TAFA2: variants seen among roughly 807,000 people sequenced by gnomAD.
TAFA2 encodes TAFA chemokine like family member 2, also known as chemokine-like protein TAFA-2.
A neutral mutation model predicts 18.8 loss-of-function variants in TAFA2; 7 were observed. The observed-to-expected ratio is 0.37, with a 90% CI of 0.21 to 0.70. TAFA2 has a LOEUF of 0.70. Among genes scored for constraint, TAFA2 ranks in the 30% least tolerant of loss-of-function variants. The pLI, the probability that TAFA2 is intolerant of heterozygous loss-of-function variation, is 0.53. For missense variants in TAFA2, 122 were observed against 158.1 expected (o/e 0.77, Z 1.23); for synonymous variants, 60 against 54.2 (o/e 1.11, Z -0.47).
rs555036395 is a variant in TAFA2 at position 61,947,462 on chromosome 12, AAAAT to A, written c.-1-80040_-1-80037del. On this transcript the variant is annotated intron_variant, in intron 1 of 4. Coordinates refer to ENST00000416284, the MANE Select transcript of TAFA2 (RefSeq NM_178539.5). ...CCCTAAAACTTAAAGTATAATTTAA[AAAAT>A]AAATAAATAAATAAATAAATAAAAA... is the stretch of plus-strand genomic sequence containing the variant. Among the ~76,000 whole-genome samples, 867 of 151,400 alleles carry A rather than the reference AAAAT, an allele frequency of 5.7e-3. 10 individuals carry two copies. The highest frequency in any genetic ancestry group is 0.02 in the African/African-American group (812 of 40,878).
chr12:61,864,666 G>A (rs1483421929), intron 2 of TAFA2, among the ~76,000 whole-genome samples: 1 of 150,724 alleles, frequency 6.6e-6, no homozygotes, highest in Non-Finnish European at 1.5e-5. Flanking sequence ...CCAGCTATTC[G>A]GGAGACTGAG....
At chr12:61,741,855 G>A (rs1034211097) in intron 4 of TAFA2, among the ~76,000 whole-genome samples, 5 of 152,104 alleles carry the variant, frequency 3.3e-5, no homozygotes, top group African/African-American at 1.2e-4. Flanking sequence ...TGAATGAACA[G>A]ACAAGCTTCC....
At chr12:61,911,454 TAAGTTAAACTATGACATTTTG>T (rs1168876453) in intron 1 of TAFA2, among the ~76,000 whole-genome samples, 1 of 152,198 alleles carries the variant, frequency 6.6e-6, no homozygotes, top group Non-Finnish European at 1.5e-5. Context: ...TTTCCATGTA[TAAGTTAAACTATGACATTTTG>T]AACTCACACA....
chr12:61,824,299 G>T (rs1872446302), intron 2 of TAFA2, among the ~76,000 whole-genome samples: 1 of 152,156 alleles, frequency 6.6e-6, no homozygotes, highest in Non-Finnish European at 1.5e-5. Flanking sequence ...CTGAAGCATT[G>T]AATCCAGCAA....
chr12:62,004,281 G>A (rs978462386), intron 1 of TAFA2, among the ~76,000 whole-genome samples: 4 of 152,096 alleles, frequency 2.6e-5, no homozygotes, highest in Non-Finnish European at 5.9e-5. Context: ...TAAGAAATGA[G>A]GTATTTGTTA....
At chr12:61,795,498 C>T (rs1871152876) in intron 2 of TAFA2, among the ~76,000 whole-genome samples, 1 of 151,286 alleles carries the variant, frequency 6.6e-6, no homozygotes, top group Admixed American at 6.6e-5. Context: ...CCAAACACCA[C>T]ATGTTCTCAC....
chr12:62,225,330 G>A (rs1016638582), intron 1 of TAFA2, among the ~76,000 whole-genome samples: 2 of 152,038 alleles, frequency 1.3e-5, no homozygotes, highest in African/African-American at 4.8e-5. Flanking sequence ...AATGAAATTG[G>A]ATACACACTT....
intron 1 of TAFA2, among the ~76,000 whole-genome samples, chr12:62,190,231 A>G (rs575382388): frequency 2.0e-5 from 3 of 152,260 alleles, no homozygotes; most frequent in Admixed American, 2.0e-4. Flanking sequence ...GTCCACCCAA[A>G]GGCTCTACGA....
chr12:61,734,424 T>A (rs1208198894), intron 4 of TAFA2, among the ~76,000 whole-genome samples: 1 of 148,028 alleles, frequency 6.8e-6, no homozygotes. Context: ...AAATGACGAG[T>A]TAATGGGTGC....
At chr12:61,895,747 A>G (rs1875814201) in intron 1 of TAFA2, among the ~76,000 whole-genome samples, 5 of 152,212 alleles carry the variant, frequency 3.3e-5, no homozygotes, top group South Asian at 2.1e-4. Context: ...ACAGGAGTCC[A>G]TGCCACACAG....
chr12:61,846,464 C>A (rs11612184), intron 2 of TAFA2, among the ~76,000 whole-genome samples: 6 of 151,830 alleles, frequency 4.0e-5, no homozygotes, highest in Non-Finnish European at 8.8e-5. Context: ...AGCATTCTCA[C>A]TAACAAGACA....
intron 2 of TAFA2, among the ~76,000 whole-genome samples, chr12:61,769,295 G>A (rs1199266953): frequency 6.6e-6 from 1 of 151,162 alleles, no homozygotes; most frequent in African/African-American, 2.4e-5. Flanking sequence ...AATTACTGGG[G>A]GGCTCCAAAG....
At chr12:62,080,214 T>C (rs906613976) in intron 1 of TAFA2, among the ~76,000 whole-genome samples, 1 of 152,216 alleles carries the variant, frequency 6.6e-6, no homozygotes, top group African/African-American at 2.4e-5. Flanking sequence ...TTCTCCCTTA[T>C]GTCAAAGGGA....
At chr12:61,827,840 A>C (rs1048977773) in intron 2 of TAFA2, among the ~76,000 whole-genome samples, 3 of 151,950 alleles carry the variant, frequency 2.0e-5, no homozygotes, top group African/African-American at 7.2e-5. Context: ...GGGAAGTTTG[A>C]ATTTCTAGAT....
rs999566074 is a variant in TAFA2 at position 62,059,726 on chromosome 12, T to C, written c.-2+131533A>G. ...ATCTTGAATAATTTTCAGTGCTTCT[T>C]GTAGGCCACAAATTCCACTTTCAGC... On this transcript the variant is annotated intron_variant, in intron 1 of 4. Coordinates refer to ENST00000416284, the MANE Select transcript of TAFA2 (RefSeq NM_178539.5). Among the ~76,000 whole-genome samples the C allele has an allele frequency of 5.3e-5, 8 of 152,178 alleles. No individual in the cohort carries two copies. In the East Asian group the frequency reaches 1.5e-3, roughly 29 times the overall value.
At chr12:62,163,326 C>T (rs895685420) in intron 1 of TAFA2, among the ~76,000 whole-genome samples, 1 of 152,132 alleles carries the variant, frequency 6.6e-6, no homozygotes, top group African/African-American at 2.4e-5. Context: ...CGAATCACAA[C>T]TTTCCATTGC....
At chr12:61,973,412 TTTA>T (rs201448421) in intron 1 of TAFA2, among the ~76,000 whole-genome samples, 5,040 of 140,044 alleles carry the variant, frequency 0.036, 111 homozygotes, top group South Asian at 0.15. Context: ...TTTTTTTTTT[TTTA>T]GTTTTCATTA....
At chr12:61,800,872 A>G (rs1592397542) in intron 2 of TAFA2, among the ~76,000 whole-genome samples, 1 of 152,140 alleles carries the variant, frequency 6.6e-6, no homozygotes, top group African/African-American at 2.4e-5. Context: ...GAATATTTAT[A>G]AGTCATAGGA....
At chr12:62,228,101 T>G (rs1565783749) in intron 1 of TAFA2, among the ~76,000 whole-genome samples, 2 of 152,140 alleles carry the variant, frequency 1.3e-5, no homozygotes, top group South Asian at 4.1e-4. Context: ...CTGAAATAAT[T>G]GTTTTAATTT....
Sources: allele counts gnomAD v4.1 joint callset (sites outside exome capture counted in the v4.1 genomes callset), GRCh38; gene constraint gnomAD v4.1.1; transcripts MANE v1.5; gene names NCBI Gene and HGNC (gene_info 2026-07-23, HGNC 2026-07-21).